ZNF618: variants seen among roughly 807,000 people sequenced by gnomAD.
The protein encoded by ZNF618 is neural precursor cell expressed, developmentally down-regulated 10.
A neutral mutation model predicts 103.0 loss-of-function variants in ZNF618; 34 were observed. The ratio of observed to expected loss-of-function variants is 0.33; its 90% confidence interval spans 0.25 to 0.44. The LOEUF is 0.44. Ranked by LOEUF, ZNF618 falls within the 20% of genes least tolerant of loss-of-function variation. The pLI, the probability that ZNF618 is intolerant of heterozygous loss-of-function variation, is 1.00. For missense variants in ZNF618, 1,059 were observed against 1,295.4 expected, an observed-to-expected ratio of 0.82 and a Z score of 2.80; for synonymous variants, 551 against 542.2, an observed-to-expected ratio of 1.02 and a Z score of -0.23.
At chr9:113,951,993 T>TA in intron 1 of ZNF618, among the ~76,000 whole-genome samples, 1 of 152,304 alleles carries the variant, frequency 6.6e-6, no homozygotes, top group Admixed American at 6.5e-5. Flanking sequence ...TGGCACTCCA[T>TA]ATGGGCCATT....
At chr9:114,001,778 TGG>T (rs927984893) in intron 4 of ZNF618, among the ~76,000 whole-genome samples, 1 of 152,038 alleles carries the variant, frequency 6.6e-6, no homozygotes, top group Non-Finnish European at 1.5e-5. Flanking sequence ...GGCCCAGAGA[TGG>T]GGGGGTGCCT....
At chr9:113,982,930 A>G (rs931998493) in intron 2 of ZNF618, among the ~76,000 whole-genome samples, 4 of 152,240 alleles carry the variant, frequency 2.6e-5, no homozygotes, top group Admixed American at 2.6e-4. Context: ...GTGACCACGG[A>G]TAGCAGGTAC....
At chr9:113,934,269 G>C (rs1833852386) in intron 1 of ZNF618, among the ~76,000 whole-genome samples, 1 of 152,116 alleles carries the variant, frequency 6.6e-6, no homozygotes, top group African/African-American at 2.4e-5. Context: ...GGCTGCTGCT[G>C]TTTGGAAGGA....
At chr9:113,921,899 T>C (rs556842063) in intron 1 of ZNF618, among the ~76,000 whole-genome samples, 76 of 152,330 alleles carry the variant, frequency 5.0e-4, no homozygotes, top group African/African-American at 1.7e-3. Flanking sequence ...GGGTTTTTTT[T>C]TCCTGTTATT....
intron 10 of ZNF618, among the ~76,000 whole-genome samples, chr9:114,019,858 G>C (rs1327208102): frequency 6.6e-6 from 1 of 152,112 alleles, no homozygotes. Flanking sequence ...ATGAAGTCCA[G>C]TTTATCATTT....
At chr9:114,048,088 ATGT>A (rs1845817298) in intron 14 of ZNF618, 94 bp downstream of exon 14, 1 of 1,069,546 alleles carries the variant, frequency 9.3e-7, no homozygotes, top group Admixed American at 2.2e-5. Flanking sequence ...GCTTCCTGTG[ATGT>A]TGTAAGATGA....
At chr9:113,996,528 A>G (rs144128862) in intron 3 of ZNF618, among the ~76,000 whole-genome samples, 63 of 152,224 alleles carry the variant, frequency 4.1e-4, no homozygotes, top group African/African-American at 1.4e-3. Context: ...GACTTCAGGA[A>G]CTAGACCCCC....
At chr9:113,937,522 C>T (rs1308551812) in intron 1 of ZNF618, among the ~76,000 whole-genome samples, 1 of 152,040 alleles carries the variant, frequency 6.6e-6, no homozygotes, top group Non-Finnish European at 1.5e-5. Context: ...AATTGTTTTC[C>T]TGTCTCTTTC....
rs375496101 is a variant in ZNF618, at chr9:113,931,744, A to G, written c.34-37373A>G. ...AGATTGTAAAACATCACTAATAATT[A>G]TTTCAGTATTGATAGGTTGAAATAA... is the stretch of plus-strand genomic sequence containing the variant. On this transcript the variant is annotated intron_variant, in intron 1 of 14. Transcript: ENST00000374126. Among the ~76,000 whole-genome samples the G allele has an allele frequency of 7.2e-5, 11 of 152,356 alleles. No individual in the cohort carries two copies. In the East Asian group the frequency reaches 2.1e-3, roughly 29 times the overall value.
chr9:113,960,988 G>A (rs902471979), intron 1 of ZNF618, among the ~76,000 whole-genome samples: 1 of 152,206 alleles, frequency 6.6e-6, no homozygotes, highest in Non-Finnish European at 1.5e-5. Flanking sequence ...AAGTTCACGG[G>A]CCTTGGTTTC....
intron 1 of ZNF618, among the ~76,000 whole-genome samples, chr9:113,906,359 T>C (rs982540873): frequency 1.3e-5 from 2 of 152,186 alleles, no homozygotes; most frequent in African/African-American, 2.4e-5. Flanking sequence ...GGGCTTCTCC[T>C]GGCTGTTCCT....
intron 1 of ZNF618, among the ~76,000 whole-genome samples, chr9:113,941,664 C>T (rs1834558983): frequency 6.6e-6 from 1 of 152,204 alleles, no homozygotes; most frequent in Non-Finnish European, 1.5e-5. Flanking sequence ...AAGTCTAATA[C>T]TAGACTGAGT....
rs572956141 is a variant in ZNF618, at chr9:113,967,853, G to A, written c.34-1264G>A. On this transcript the variant is annotated intron_variant, in intron 1 of 14. Coordinates refer to ENST00000374126, the MANE Select transcript of ZNF618 (RefSeq NM_001318042.2). ...TGGAGAGCCAAGTATGTCAGCTCTA[G>A]CTGCCTGTCACCATGTAGGACTAGG... Among the ~76,000 whole-genome samples the A allele has an allele frequency of 2.0e-5, 3 of 152,288 alleles. No individual in the cohort carries two copies. In the South Asian group the frequency reaches 6.2e-4, roughly 32 times the overall value.
intron 1 of ZNF618, among the ~76,000 whole-genome samples, chr9:113,956,238 AAGAAG>A (rs1836282780): frequency 7.2e-6 from 1 of 139,156 alleles, no homozygotes; most frequent in Non-Finnish European, 1.6e-5. Flanking sequence ...AAAAAAAAAA[AAGAAG>A]AGCATTGGAC....
Position 114,050,389 on chromosome 9 carries a change from G to C in ZNF618, c.*222G>C, listed in dbSNP as rs1178552420. On this transcript the variant is annotated 3_prime_UTR_variant, in exon 15 of 15. Transcript: ENST00000374126. ...CTGAACACGTGCTGTGGTTGTGGGGGTGTGGGGGGGTCTCTGTGCTCATCT... is the reference window on the plus strand; with the variant it reads ...CTGAACACGTGCTGTGGTTGTGGGGCTGTGGGGGGGTCTCTGTGCTCATCT... 1 of 525,278 alleles carries C rather than the reference G, an allele frequency of 1.9e-6. No individual in the cohort carries two copies. The highest frequency in any genetic ancestry group is 3.8e-5 in the Admixed American group (1 of 26,058). The allele number at this position is 525,278 out of a possible 1,614,324, so 32.5% of individuals were successfully genotyped here.
intron 3 of ZNF618, among the ~76,000 whole-genome samples, chr9:113,990,050 C>G (rs1422274785): frequency 1.3e-5 from 2 of 152,218 alleles, no homozygotes; most frequent in African/African-American, 4.8e-5. Flanking sequence ...TCTTCCCAGA[C>G]CTTTCATTCC....
intron 7 of ZNF618, among the ~76,000 whole-genome samples, chr9:114,007,682 T>C (rs1841874841): frequency 6.6e-6 from 1 of 152,208 alleles, no homozygotes; most frequent in African/African-American, 2.4e-5. Context: ...TAGGTCAAAA[T>C]CAGTAGAATA....
rs3034065 is a variant in ZNF618, at chr9:113,884,774, C to CAGAG, written c.33+8397_33+8400dup. 7.2e-3 allele frequency among the ~76,000 whole-genome samples: 1,021 copies of CAGAG among 142,220 alleles called. 6 individuals are homozygous for CAGAG. The highest frequency in any genetic ancestry group is 9.5e-3 in the Non-Finnish European group (618 of 65,072). 93.3% of individuals were successfully genotyped at this position (142,220 alleles called of 152,430 possible). On this transcript the variant is annotated intron_variant, in intron 1 of 14. Coordinates refer to ENST00000374126, the MANE Select transcript of ZNF618 (RefSeq NM_001318042.2). ...CCTTCCTTATCGAGACACAAACACA[C>CAGAG]AGAGAGAGAGAGAGAGAGAGAGAGA... is the stretch of plus-strand genomic sequence containing the variant.
At chr9:113,937,336 C>T (rs1170474141) in intron 1 of ZNF618, among the ~76,000 whole-genome samples, 2 of 152,112 alleles carry the variant, frequency 1.3e-5, no homozygotes, top group Non-Finnish European at 2.9e-5. Context: ...ACTCCTTTAC[C>T]CCTGAATACT....
Sources: gnomAD v4.1 joint callset for allele counts (sites outside exome capture counted in the v4.1 genomes callset) on GRCh38, gnomAD v4.1.1 for gene constraint, MANE v1.5 for transcripts, NCBI Gene and HGNC (gene_info 2026-07-23, HGNC 2026-07-21) for gene names.